The following WDR59 variants were observed in gnomAD, a reference collection of about 807,000 sequenced individuals.
WDR59 encodes WD repeat domain 59, also known as GATOR2 complex protein WDR59.
WDR59 carries 100 observed loss-of-function variants against 131.2 expected under a neutral mutation model. That is an observed-to-expected ratio of 0.76 (90% CI 0.65 to 0.90). The LOEUF is 0.90. WDR59 is among the 40% of genes least tolerant of loss of function. The pLI is 0.00. For missense variants in WDR59, 1,203 were observed against 1,262.2 expected (o/e 0.95, Z 0.71); for synonymous variants, 601 against 466.2 (o/e 1.29, Z -3.72).
At chr16:74,890,258 C>T (rs1964973182) in intron 20 of WDR59, among the ~76,000 whole-genome samples, 1 of 152,198 alleles carries the variant, frequency 6.6e-6, no homozygotes, top group South Asian at 2.1e-4. Flanking sequence ...TCAAGCCATC[C>T]TCCTGCCTCA....
chr16:74,974,770 G>A (rs111896210), intron 1 of WDR59, among the ~76,000 whole-genome samples: 4 of 152,304 alleles, frequency 2.6e-5, no homozygotes, highest in African/African-American at 9.6e-5. Context: ...TGTGGGTACT[G>A]AGTCCCTAAT....
intron 25 of WDR59, among the ~76,000 whole-genome samples, chr16:74,876,000 G>A (rs998299020): frequency 5.3e-5 from 8 of 151,772 alleles, no homozygotes; most frequent in Non-Finnish European, 8.8e-5. Flanking sequence ...CTTTTCTCCC[G>A]GCTCCTGCAC....
chr16:74,932,977 G>A lies in WDR59; in HGVS notation c.651+5173C>T, dbSNP rs77432032. ...TCAAGGAGAAAAATGGAATAATTTCGCCTTATATATTACATGTTGACAAAG... is the reference window on the plus strand; with the variant it reads ...TCAAGGAGAAAAATGGAATAATTTCACCTTATATATTACATGTTGACAAAG... On this transcript the variant is annotated intron_variant, in intron 8 of 25. Coordinates refer to ENST00000262144, the MANE Select transcript of WDR59 (RefSeq NM_030581.4). Among the ~76,000 whole-genome samples the A allele has an allele frequency of 2.9e-3, 444 of 152,152 alleles. 2 individuals carry two copies. Among genetic ancestry groups the A allele is most frequent in the African/African-American group, 0.01 (415 of 41,496 alleles).
intron 1 of WDR59, among the ~76,000 whole-genome samples, chr16:74,977,873 T>A (rs542571993): frequency 6.6e-6 from 1 of 152,146 alleles, no homozygotes; most frequent in East Asian, 1.9e-4. Flanking sequence ...CACTAACAGA[T>A]AGGCTCAACA....
rs893574915 is a variant in WDR59, at chr16:74,886,085, G to A, written c.2546+185C>T. 1.7e-5 allele frequency: 13 copies of A among 778,788 alleles called. No homozygotes were observed. The Middle Eastern group carries it at 1.1e-3, about 66-fold the overall frequency. The allele number at this position is 778,788 out of a possible 1,614,324, so 48.2% of individuals were successfully genotyped here. On this transcript the variant is annotated intron_variant, in intron 24 of 25. Transcript: ENST00000262144. ...CCCAGCTACTCAGGAGGCTGAGGCA[G>A]GAGAATCACTTGAGCCTGGGAAGCA...
chr16:74,974,251 A>G (rs8058949), intron 1 of WDR59, among the ~76,000 whole-genome samples: 151,460 of 152,272 alleles, frequency 0.99, 75,331 homozygotes, highest in Middle Eastern at 1. Flanking sequence ...AAAATGGCCC[A>G]CACTGGGTAC....
intron 10 of WDR59, among the ~76,000 whole-genome samples, chr16:74,919,858 A>G (rs375278534): frequency 6.6e-6 from 1 of 152,136 alleles, no homozygotes; most frequent in Admixed American, 6.6e-5. Flanking sequence ...AAGTGGTCCA[A>G]TAAAAATTGA....
intron 1 of WDR59, among the ~76,000 whole-genome samples, chr16:74,968,008 G>A (rs942515252): frequency 6.6e-6 from 1 of 152,142 alleles, no homozygotes; most frequent in Non-Finnish European, 1.5e-5. Flanking sequence ...CAACATGGAT[G>A]GAGCTCGGAA....
At chr16:74,880,395 C>A (rs985024270) in intron 25 of WDR59, among the ~76,000 whole-genome samples, 1 of 151,906 alleles carries the variant, frequency 6.6e-6, no homozygotes, top group African/African-American at 2.4e-5. Flanking sequence ...TGCAGTGAGC[C>A]GAGATCGCGC....
Position 74,906,313 on chromosome 16 carries a change from C to CAAAAAAAAAAAAAAAAAAAAAAAAAAAAA in WDR59, c.1713-2214_1713-2213insTTTTTTTTTTTTTTTTTTTTTTTTTTTTT, listed in dbSNP as rs762288713. Among the ~76,000 whole-genome samples, 9 of 32,462 alleles carry CAAAAAAAAAAAAAAAAAAAAAAAAAAAAA rather than the reference C, an allele frequency of 2.8e-4. 1 individual carries two copies. Among genetic ancestry groups the CAAAAAAAAAAAAAAAAAAAAAAAAAAAAA allele is most frequent in the East Asian group, 4.4e-3 (2 of 454 alleles). The allele number at this position is 32,462 out of a possible 152,430, so 21.3% of individuals were successfully genotyped here. A position where few individuals can be genotyped will look rare whatever the true frequency, so the allele number is the denominator to read the frequency against. ...TGAGCGACAGAGCAAGACTCCGTCT[C>CAAAAAAAAAAAAAAAAAAAAAAAAAAAAA]AAAAAAAAAAAAACCCACAGTGAGA... On this transcript the variant is annotated intron_variant, in intron 17 of 25. Transcript: ENST00000262144.
intron 2 of WDR59, chr16:74,963,360 C>T (rs1398915581): frequency 1.3e-5 from 2 of 152,202 alleles, no homozygotes; most frequent in Non-Finnish European, 1.5e-5. Context: ...CAATGATAGA[C>T]TGAATAAAGA....
At chr16:74,970,255 T>A (rs1284967457) in intron 1 of WDR59, among the ~76,000 whole-genome samples, 1 of 152,082 alleles carries the variant, frequency 6.6e-6, no homozygotes, top group Non-Finnish European at 1.5e-5. Flanking sequence ...TCTATATGTC[T>A]AGTTTTCTAG....
rs1215835550 is a variant in WDR59 at position 74,899,572 on chromosome 16, T to C, written c.1866+4375A>G. On this transcript the variant is annotated intron_variant, in intron 18 of 25. Transcript: ENST00000262144. ...CTCCCCCAAGCAAAAAATTGACTGT[T>C]GCTGGTCCTGAAAACAGCTCGCCTG... is the stretch of plus-strand genomic sequence containing the variant. 5.7e-6 allele frequency: 4 copies of C among 706,316 alleles called. No homozygotes were observed. In the Admixed American group the frequency reaches 1.2e-4, roughly 21 times the overall value. The allele number at this position is 706,316 out of a possible 1,614,324, so 43.8% of individuals were successfully genotyped here.
At chr16:74,928,032 C>T (rs1421372182) in intron 8 of WDR59, among the ~76,000 whole-genome samples, 3 of 150,992 alleles carry the variant, frequency 2.0e-5, no homozygotes, top group African/African-American at 7.3e-5. Flanking sequence ...CTCAGCCTCC[C>T]GAGTAGCTGG....
At chr16:74,915,809 G>A in intron 13 of WDR59, 61 bp downstream of exon 13, 1 of 1,604,562 alleles carries the variant, frequency 6.2e-7, no homozygotes. Context: ...TTGCTGAAAT[G>A]GTTCCCTCTC....
chr16:74,944,552 C>T (rs1018161951), intron 6 of WDR59, among the ~76,000 whole-genome samples: 6 of 151,782 alleles, frequency 4.0e-5, no homozygotes, highest in African/African-American at 1.5e-4. Flanking sequence ...CTCTGGAATA[C>T]TCACAACGTG....
At chr16:74,931,978 T>C (rs775494470) in intron 8 of WDR59, among the ~76,000 whole-genome samples, 1 of 151,972 alleles carries the variant, frequency 6.6e-6, no homozygotes, top group Non-Finnish European at 1.5e-5. Context: ...TGTGTTATAA[T>C]ATCAACTTAA....
chr16:74,984,921 G>C, intron 1 of WDR59, 43 bp downstream of exon 1: 2 of 1,592,190 alleles, frequency 1.3e-6, no homozygotes, highest in East Asian at 2.3e-5. Context: ...GGGGAAGCGG[G>C]GAGGACGCAT....
At chr16:74,918,264 G>A (rs1261636075) in intron 10 of WDR59, among the ~76,000 whole-genome samples, 2 of 152,346 alleles carry the variant, frequency 1.3e-5, no homozygotes, top group East Asian at 3.9e-4. Context: ...CACAGGATAA[G>A]AGGACAGAGA....
Sources: allele counts gnomAD v4.1 joint callset (sites outside exome capture counted in the v4.1 genomes callset), GRCh38; gene constraint gnomAD v4.1.1; transcripts MANE v1.5; gene names NCBI Gene and HGNC (gene_info 2026-07-23, HGNC 2026-07-21).